The following CDH8 variants were observed in gnomAD, a reference collection of about 807,000 sequenced individuals.
CDH8 encodes cadherin 8.
CDH8 carries 17 observed loss-of-function variants against 68.1 expected under a neutral mutation model. The observed-to-expected ratio is 0.25, with a 90% CI of 0.17 to 0.37. CDH8 has a LOEUF of 0.37. Among genes scored for constraint, CDH8 ranks in the 10% least tolerant of loss-of-function variants. The probability of loss-of-function intolerance (pLI) is 1.00; values close to 1 mark genes in which losing one functional copy is unlikely to be tolerated. For synonymous variants in CDH8, 372 were observed against 365.1 expected, an observed-to-expected ratio of 1.02 and a Z score of -0.21; for missense variants, 763 against 999.3, an observed-to-expected ratio of 0.76 and a Z score of 3.19.
chr16:61,739,712 A>T (rs1959805083), intron 8 of CDH8, among the ~76,000 whole-genome samples: 1 of 148,342 alleles, frequency 6.7e-6, no homozygotes, highest in Non-Finnish European at 1.5e-5. Context: ...TGGGCAACAG[A>T]GCGAGACTCT....
intron 2 of CDH8, among the ~76,000 whole-genome samples, chr16:62,015,463 T>A (rs993584809): frequency 1.3e-5 from 2 of 152,100 alleles, no homozygotes; most frequent in African/African-American, 2.4e-5. Context: ...ATATAATATC[T>A]TAATCCCATA....
At chr16:61,950,930 AT>A (rs1964886283) in intron 2 of CDH8, among the ~76,000 whole-genome samples, 1 of 152,208 alleles carries the variant, frequency 6.6e-6, no homozygotes, top group Non-Finnish European at 1.5e-5. Context: ...AACAGAAAAG[AT>A]AACTCTTGGG....
chr16:61,653,698 G>A lies in CDH8; in HGVS notation c.2310C>T (p.Asp770=). ...AGTCACTGAGGTAGTCAAAATTCTG[G>A]TCTGAGTCTGATGTGGTGGACTCCA... ...SSLESTTSDS[D]QNFDYLSDWG... Residue 770 remains aspartate (D), a synonymous_variant, in exon 12 of 12, where the codon GAC becomes GAT. Coordinates refer to ENST00000577390, the MANE Select transcript of CDH8 (RefSeq NM_001796.5). 1 of 1,614,150 alleles carries A rather than the reference G, an allele frequency of 6.2e-7. No homozygotes were observed. Among genetic ancestry groups the A allele is most frequent in the Non-Finnish European group, 8.5e-7 (1 of 1,180,034 alleles).
At chr16:61,714,924 T>C (rs1387602975) in intron 9 of CDH8, among the ~76,000 whole-genome samples, 2 of 151,288 alleles carry the variant, frequency 1.3e-5, no homozygotes, top group African/African-American at 2.4e-5. Flanking sequence ...CCATTGAACT[T>C]TGAAATGTTA....
intron 10 of CDH8, among the ~76,000 whole-genome samples, chr16:61,665,758 T>TCCTC (rs1596845282): frequency 1.6e-5 from 1 of 62,168 alleles, no homozygotes; most frequent in South Asian, 6.8e-4. Context: ...TTATTTTCCT[T>TCCTC]CCTTCCTTCC....
Position 61,768,367 on chromosome 16 carries a change from T to C in CDH8, c.1414+20979A>G, listed in dbSNP as rs867957919. ...CTCTCTCTCTCTCTCTCTCTCTCTC[T>C]CCCTTTCTCTCTCTCTCTCTCTCTC... On this transcript the variant is annotated intron_variant, in intron 8 of 11. Coordinates refer to ENST00000577390, the MANE Select transcript of CDH8 (RefSeq NM_001796.5). Among the ~76,000 whole-genome samples, 110 of 80,546 alleles carry C rather than the reference T, an allele frequency of 1.4e-3. 3 individuals carry two copies. The highest frequency in any genetic ancestry group is 1.5e-3 in the Non-Finnish European group (60 of 40,826). The allele number at this position is 80,546 out of a possible 152,430, so 52.8% of individuals were successfully genotyped here.
At chr16:61,659,046 TTG>T (rs1199175067) in intron 10 of CDH8, among the ~76,000 whole-genome samples, 1 of 152,204 alleles carries the variant, frequency 6.6e-6, no homozygotes, top group East Asian at 1.9e-4. Flanking sequence ...TAAAATTTAA[TTG>T]TCTTATACAT....
chr16:61,789,146 T>TA (rs1189566672), intron 8 of CDH8, among the ~76,000 whole-genome samples, 200 bp downstream of exon 8: 5 of 152,112 alleles, frequency 3.3e-5, no homozygotes, highest in African/African-American at 1.2e-4. Context: ...CCTTCTCACA[T>TA]ATCCTGAAAC....
chr16:61,931,240 T>A (rs1158969356), intron 2 of CDH8, among the ~76,000 whole-genome samples: 1 of 152,180 alleles, frequency 6.6e-6, no homozygotes, highest in East Asian at 1.9e-4. Flanking sequence ...ATCACTCCAC[T>A]GTCATCTCGA....
intron 9 of CDH8, among the ~76,000 whole-genome samples, chr16:61,718,218 T>G (rs576272505): frequency 6.6e-6 from 1 of 151,606 alleles, no homozygotes; most frequent in Non-Finnish European, 1.5e-5. Context: ...TTGCTTGCTT[T>G]GCTTTAGCAG....
intron 1 of CDH8, among the ~76,000 whole-genome samples, chr16:62,032,365 C>A (rs1343879845): frequency 6.6e-6 from 1 of 152,050 alleles, no homozygotes; most frequent in East Asian, 1.9e-4. Context: ...TGTGTGTGTA[C>A]ATAATACAGA....
chr16:61,820,409 A>C (rs1386242112), intron 6 of CDH8, among the ~76,000 whole-genome samples: 3 of 144,198 alleles, frequency 2.1e-5, no homozygotes, highest in African/African-American at 5.3e-5. Flanking sequence ...AAGATATTTC[A>C]GGAAGCAAGA....
intron 2 of CDH8, among the ~76,000 whole-genome samples, chr16:61,916,369 G>T (rs2143355514): frequency 6.6e-6 from 1 of 152,150 alleles, no homozygotes; most frequent in Middle Eastern, 3.4e-3. Context: ...ACAAAAATTA[G>T]CTGGGTGTGG....
At position 62,036,434 on chromosome 16, in the gene CDH8, A is replaced by G. The variant is rs1902462877; in HGVS notation, c.-554T>C. 6.6e-6 allele frequency: 1 copy of G among 152,516 alleles called. No individual in the cohort carries two copies. Among genetic ancestry groups the G allele is most frequent in the African/African-American group, 2.4e-5 (1 of 41,468 alleles). 9.4% of individuals were successfully genotyped at this position (152,516 alleles called of 1,614,324 possible). ...CGAGCCCGCCTGCCTGCCAAATGTAACTGTGAAGTGATGTGGAAAAGTGAG... is the reference window on the plus strand; with the variant it reads ...CGAGCCCGCCTGCCTGCCAAATGTAGCTGTGAAGTGATGTGGAAAAGTGAG... On this transcript the variant is annotated 5_prime_UTR_variant, in exon 1 of 12. Transcript: ENST00000577390.
intron 4 of CDH8, among the ~76,000 whole-genome samples, chr16:61,856,656 G>C (rs1442558936): frequency 2.0e-5 from 3 of 152,120 alleles, no homozygotes; most frequent in Non-Finnish European, 4.4e-5. Flanking sequence ...AAAGTGCACT[G>C]AATGATTACC....
chr16:61,781,368 G>A (rs906110470), intron 8 of CDH8, among the ~76,000 whole-genome samples: 1 of 152,122 alleles, frequency 6.6e-6, no homozygotes, highest in African/African-American at 2.4e-5. Flanking sequence ...CCCAGCAGGA[G>A]GATCAGTGGA....
chr16:61,971,543 C>T (rs1965340500), intron 2 of CDH8, among the ~76,000 whole-genome samples: 1 of 152,184 alleles, frequency 6.6e-6, no homozygotes, highest in African/African-American at 2.4e-5. Context: ...GGGCACGCCA[C>T]CCTGCAGGAA....
intron 2 of CDH8, among the ~76,000 whole-genome samples, chr16:61,928,870 C>T (rs1263117840): frequency 6.6e-6 from 1 of 152,152 alleles, no homozygotes. Flanking sequence ...AAGTGACATA[C>T]ATTAGACTGT....
chr16:61,845,399 T>C (rs1962783143), intron 4 of CDH8, among the ~76,000 whole-genome samples: 1 of 150,416 alleles, frequency 6.6e-6, no homozygotes, highest in African/African-American at 2.5e-5. Flanking sequence ...AGCAACAATA[T>C]TAAAGTTAAT....
Sources: allele counts gnomAD v4.1 joint callset (sites outside exome capture counted in the v4.1 genomes callset), GRCh38; gene constraint gnomAD v4.1.1; transcripts MANE v1.5; gene names NCBI Gene and HGNC (gene_info 2026-07-23, HGNC 2026-07-21).